SHANK2: variants seen among roughly 807,000 people sequenced by gnomAD.
SHANK2 encodes the protein SH3 and multiple ankyrin repeat domains 2, also known as SH3 and multiple ankyrin repeat domains protein 2.
SHANK2 carries 43 observed loss-of-function variants against 133.7 expected under a neutral mutation model. The observed-to-expected ratio is 0.32, with a 90% CI of 0.25 to 0.41. The LOEUF (loss-of-function observed/expected upper bound fraction) is 0.41. Ranked by LOEUF, SHANK2 falls within the 10% of genes least tolerant of loss-of-function variation. The pLI is 1.00. For missense variants in SHANK2, 1,994 were observed against 2,235.8 expected (o/e 0.89, Z 2.18); for synonymous variants, 1,017 against 952.8 (o/e 1.07, Z -1.24).
At chr11:70,506,891 G>A (rs1554968508) in intron 17 of SHANK2, among the ~76,000 whole-genome samples, 1 of 152,148 alleles carries the variant, frequency 6.6e-6, no homozygotes, top group East Asian at 1.9e-4. Flanking sequence ...CAGGGAGGTG[G>A]TGCCAACAGG....
intron 10 of SHANK2, chr11:70,942,824 G>A (rs1555084614): frequency 2.2e-6 from 1 of 456,694 alleles, no homozygotes; most frequent in Admixed American, 2.3e-5. Flanking sequence ...TCAGTGGCCA[G>A]CTCAAGAAAT....
At chr11:71,126,216 CAAAAAA>C (rs1170621448) in intron 3 of SHANK2, among the ~76,000 whole-genome samples, 5 of 64,418 alleles carry the variant, frequency 7.8e-5, no homozygotes, top group East Asian at 6.3e-4. Flanking sequence ...GACTCCGTCT[CAAAAAA>C]AAAAAAAAAA....
At chr11:71,158,781 G>A (rs1191524931) in intron 2 of SHANK2, among the ~76,000 whole-genome samples, 15 of 152,178 alleles carry the variant, frequency 9.9e-5, no homozygotes, top group Admixed American at 9.2e-4. Flanking sequence ...AAAAAGCACA[G>A]AACCTTAGGC....
At chr11:70,946,508 C>T (rs1950738795) in intron 10 of SHANK2, among the ~76,000 whole-genome samples, 1 of 148,636 alleles carries the variant, frequency 6.7e-6, no homozygotes, top group African/African-American at 2.5e-5. Context: ...CTAACCAACC[C>T]TTCCCCAGGC....
At chr11:71,221,150 G>T (rs185583450) in intron 2 of SHANK2, among the ~76,000 whole-genome samples, 21 of 149,744 alleles carry the variant, frequency 1.4e-4, no homozygotes, top group Non-Finnish European at 2.8e-4. Context: ...GCAGTGAGCC[G>T]AGATCATGCC....
intron 8 of SHANK2, among the ~76,000 whole-genome samples, chr11:71,076,435 G>A (rs1324445027): frequency 1.3e-5 from 2 of 150,958 alleles, no homozygotes; most frequent in African/African-American, 4.9e-5. Flanking sequence ...AATTAACAGT[G>A]AGGAAAGATG....
At chr11:70,673,171 G>A (rs752453708) in intron 15 of SHANK2, among the ~76,000 whole-genome samples, 50 of 152,104 alleles carry the variant, frequency 3.3e-4, no homozygotes, top group Non-Finnish European at 6.0e-4. Flanking sequence ...TGAGTTGGTC[G>A]CCCGCCACTG....
At chr11:70,656,393 T>C (rs1555011613) in intron 17 of SHANK2, among the ~76,000 whole-genome samples, 1 of 151,944 alleles carries the variant, frequency 6.6e-6, no homozygotes, top group Admixed American at 6.6e-5. Context: ...AAGAAACACC[T>C]GCCCTGCTTC....
At chr11:70,735,330 G>A (rs1565278995) in intron 14 of SHANK2, among the ~76,000 whole-genome samples, 1 of 152,164 alleles carries the variant, frequency 6.6e-6, no homozygotes, top group Non-Finnish European at 1.5e-5. Context: ...GGGATGTGCA[G>A]GGAACTCCAG....
intron 11 of SHANK2, among the ~76,000 whole-genome samples, chr11:70,840,259 C>T (rs540182749): frequency 1.3e-5 from 2 of 152,278 alleles, no homozygotes; most frequent in African/African-American, 4.8e-5. Context: ...GTGGGTGCCT[C>T]GGAGGGCAGG....
chr11:70,637,300 G>T (rs149402670), intron 17 of SHANK2, among the ~76,000 whole-genome samples: 1 of 152,268 alleles, frequency 6.6e-6, no homozygotes, highest in Admixed American at 6.5e-5. Flanking sequence ...CTCTCTGCAG[G>T]ATCCCAAAAA....
chr11:70,908,817 C>T (rs1214367732), intron 10 of SHANK2, among the ~76,000 whole-genome samples: 2 of 152,160 alleles, frequency 1.3e-5, no homozygotes, highest in Non-Finnish European at 2.9e-5. Context: ...TCAACATCAA[C>T]GTCAAACCGC....
chr11:70,482,573 T>G lies in SHANK2; in HGVS notation c.4979+2741A>C, dbSNP rs375509712. Among the ~76,000 whole-genome samples, 49 of 152,358 alleles carry G rather than the reference T, an allele frequency of 3.2e-4. No homozygotes were observed. In the South Asian group the frequency reaches 5.0e-3, roughly 15 times the overall value. ...TCAGTAGCTTCACCGCCCTGCCTTC[T>G]GCTTCCTTGTTCACACAGTGGGAAA... On this transcript the variant is annotated intron_variant, in intron 25 of 25. Transcript: ENST00000601538.
intron 2 of SHANK2, among the ~76,000 whole-genome samples, chr11:71,184,395 A>G (rs1360289194): frequency 6.6e-6 from 1 of 152,158 alleles, no homozygotes; most frequent in Admixed American, 6.5e-5. Context: ...TCTCGCGTCC[A>G]TCACTTGAAA....
intron 17 of SHANK2, among the ~76,000 whole-genome samples, chr11:70,549,726 C>A (rs1554977374): frequency 2.0e-5 from 3 of 152,208 alleles, no homozygotes; most frequent in African/African-American, 7.2e-5. Context: ...ATCTTCAGCC[C>A]TGTTGGAATT....
chr11:70,682,714 A>G (rs1301338418), intron 15 of SHANK2, among the ~76,000 whole-genome samples: 5 of 152,080 alleles, frequency 3.3e-5, no homozygotes, highest in African/African-American at 1.2e-4. Context: ...GGCCACAGAG[A>G]AGGAGGCCTG....
chr11:71,157,483 C>T (rs1483453518), intron 2 of SHANK2, among the ~76,000 whole-genome samples: 1 of 152,090 alleles, frequency 6.6e-6, no homozygotes, highest in African/African-American at 2.4e-5. Flanking sequence ...TTCTTGGTGG[C>T]ACCAGTAACC....
Position 70,502,943 on chromosome 11 carries a change from C to T in SHANK2, c.2062-12G>A, listed in dbSNP as rs368812519. On this transcript the variant is annotated splice_polypyrimidine_tract_variant and intron_variant, in intron 17 of 25. Transcript: ENST00000601538. ...TTCTCATTGTTAACCTGTGGGAAGG[C>T]GGAGAGGATGGCATCAGTGAGAGCC... The T allele has an allele frequency of 4.8e-5, 78 of 1,613,840 alleles. No homozygotes were observed. Among genetic ancestry groups the T allele is most frequent in the Middle Eastern group, 3.3e-4 (2 of 6,082 alleles).
At chr11:71,223,191 C>G (rs904421556) in intron 2 of SHANK2, among the ~76,000 whole-genome samples, 1 of 152,214 alleles carries the variant, frequency 6.6e-6, no homozygotes, top group Non-Finnish European at 1.5e-5. Flanking sequence ...CAGGTGAGGC[C>G]GCCCAACTGC....
Sources: allele counts gnomAD v4.1 joint callset (sites outside exome capture counted in the v4.1 genomes callset), GRCh38; gene constraint gnomAD v4.1.1; transcripts MANE v1.5; gene names NCBI Gene and HGNC (gene_info 2026-07-23, HGNC 2026-07-21).